Variants in NIPA2 observed in about 807,000 individuals in gnomAD.
The protein encoded by NIPA2 is NIPA magnesium transporter 2.
In NIPA2, 11 loss-of-function variants were observed where a neutral mutation model predicts 29.7. The observed-to-expected ratio is 0.37, with a 90% CI of 0.23 to 0.61. NIPA2 has a LOEUF of 0.61. NIPA2 is among the 20% of genes least tolerant of loss of function. NIPA2 has a pLI of 0.66. For synonymous variants in NIPA2, 183 were observed against 161.9 expected (o/e 1.13, Z -0.99); for missense variants, 426 against 437.9 (o/e 0.97, Z 0.24).
At chr15:22,848,991 G>T (rs2057504254) in intron 3 of NIPA2, among the ~76,000 whole-genome samples, 1 of 152,142 alleles carries the variant, frequency 6.6e-6, no homozygotes, top group South Asian at 2.1e-4. Flanking sequence ...GCAGGAGACT[G>T]GCTGATAAAC....
At position 22,840,305 on chromosome 15, in the gene NIPA2, T is replaced by G. The variant is rs528069201; in HGVS notation, c.-216+515T>G. On this transcript the variant is annotated intron_variant, in intron 2 of 7. Coordinates refer to ENST00000337451, the MANE Select transcript of NIPA2 (RefSeq NM_030922.7). ...TCTATATATAGTTTTTTTTTTTGTT[T>G]TTTTTTTTTTGAGATGGAATCTTGC... 4.4e-3 allele frequency among the ~76,000 whole-genome samples: 654 copies of G among 149,880 alleles called. 3 individuals are homozygous for G. The highest frequency in any genetic ancestry group is 7.2e-3 in the South Asian group (34 of 4,752).
chr15:22,858,064 C>A (rs1321326707), intron 5 of NIPA2, among the ~76,000 whole-genome samples: 1 of 152,108 alleles, frequency 6.6e-6, no homozygotes, highest in Non-Finnish European at 1.5e-5. Context: ...TGGACTCTTA[C>A]TGTAATAGAA....
At chr15:22,864,097 G>GAA (rs996439121) in intron 7 of NIPA2, among the ~76,000 whole-genome samples, 17 of 152,086 alleles carry the variant, frequency 1.1e-4, no homozygotes, top group Admixed American at 3.3e-4. Context: ...CTACATGGGA[G>GAA]AAAGAGGCTT....
intron 7 of NIPA2, among the ~76,000 whole-genome samples, chr15:22,863,724 C>T (rs144037708): frequency 3.3e-5 from 5 of 152,314 alleles, no homozygotes; most frequent in African/African-American, 1.2e-4. Flanking sequence ...TACCTAGTCC[C>T]CTTAAGCTTA....
At chr15:22,862,064 T>TTTTTTTTTTTTGG (rs2058665264) in intron 7 of NIPA2, among the ~76,000 whole-genome samples, 1 of 147,860 alleles carries the variant, frequency 6.8e-6, no homozygotes, top group Non-Finnish European at 1.5e-5. Context: ...TTTTTTTTTT[T>TTTTTTTTTTTTGG]GAGACAGAGT....
chr15:22,848,499 C>G (rs927253056), intron 3 of NIPA2, among the ~76,000 whole-genome samples: 2 of 152,028 alleles, frequency 1.3e-5, no homozygotes, highest in African/African-American at 4.8e-5. Flanking sequence ...GTGTGTACCA[C>G]TGTATCTGGC....
intron 7 of NIPA2, among the ~76,000 whole-genome samples, chr15:22,863,184 T>C (rs1221166230): frequency 2.6e-5 from 4 of 151,910 alleles, no homozygotes; most frequent in Non-Finnish European, 5.9e-5. Context: ...GTTCAAGTGA[T>C]TCTCCTGCTT....
rs1461284172 is a variant in NIPA2 at position 22,851,656 on chromosome 15, T to C, written c.-76T>C. The C allele has an allele frequency of 3.9e-6, 5 of 1,271,162 alleles. No individual in the cohort carries two copies. In the African/African-American group the frequency reaches 4.5e-5, roughly 11 times the overall value. 78.7% of individuals were successfully genotyped at this position (1,271,162 alleles called of 1,614,324 possible). ...TTGTTTAGGTTTGAAGACTGCTTCATTCTGCCTCTAGTACCAGCGGTTTCT... is the reference window on the plus strand; with the variant it reads ...TTGTTTAGGTTTGAAGACTGCTTCACTCTGCCTCTAGTACCAGCGGTTTCT... On this transcript the variant is annotated 5_prime_UTR_variant, in exon 4 of 8. Transcript: ENST00000337451.
rs1898282055 is a variant in NIPA2 at position 22,845,274 on chromosome 15, C to T, written c.-94+7C>T. On this transcript the variant is annotated splice_region_variant and intron_variant, in intron 3 of 7. Transcript: ENST00000337451. The stretch of plus-strand genomic sequence containing the variant: ...GATGTCCTATTTTCAAACTGTAAGT[C>T]AGAATGAGATCACTTATTTTCTTGG... The T allele has an allele frequency of 6.6e-6, 1 of 152,054 alleles. No individual in the cohort carries two copies. The highest frequency in any genetic ancestry group is 1.5e-5 in the Non-Finnish European group (1 of 67,994). The allele number at this position is 152,054 out of a possible 1,614,324, so 9.4% of individuals were successfully genotyped here. A position where few individuals can be genotyped will look rare whatever the true frequency, so the allele number is the denominator to read the frequency against.
chr15:22,848,839 A>AG (rs2057487006), intron 3 of NIPA2, among the ~76,000 whole-genome samples: 1 of 151,132 alleles, frequency 6.6e-6, no homozygotes, highest in Non-Finnish European at 1.5e-5. Flanking sequence ...AAAAAAAAAA[A>AG]AAAAAAAAAA....
intron 7 of NIPA2, among the ~76,000 whole-genome samples, chr15:22,862,457 C>T (rs1243229346): frequency 1.3e-5 from 2 of 152,124 alleles, no homozygotes; most frequent in African/African-American, 4.8e-5. Flanking sequence ...AGTTCCTGAC[C>T]TAGATCATTA....
At chr15:22,843,320 T>G (rs950927734) in intron 2 of NIPA2, among the ~76,000 whole-genome samples, 1 of 151,778 alleles carries the variant, frequency 6.6e-6, no homozygotes, top group Non-Finnish European at 1.5e-5. Flanking sequence ...CTGGCTAACA[T>G]GGTGAAACCC....
At position 22,867,202 on chromosome 15, in the gene NIPA2, T is replaced by G. The variant is rs1595456235; in HGVS notation, c.*355T>G. The G allele has an allele frequency of 2.4e-6, 1 of 423,282 alleles. No individual in the cohort carries two copies. The highest frequency in any genetic ancestry group is 4.1e-6 in the Non-Finnish European group (1 of 241,292). 26.2% of individuals were successfully genotyped at this position (423,282 alleles called of 1,614,324 possible). ...TGAAATGTGCATTTGTCATCCCCAC[T>G]CCATCAATCCCTGACCATGTAAGGC... On this transcript the variant is annotated 3_prime_UTR_variant, in exon 8 of 8. Coordinates refer to ENST00000337451, the MANE Select transcript of NIPA2 (RefSeq NM_030922.7).
intron 3 of NIPA2, among the ~76,000 whole-genome samples, chr15:22,849,851 C>T (rs926215321): frequency 3.9e-5 from 6 of 152,150 alleles, no homozygotes; most frequent in African/African-American, 1.2e-4. Flanking sequence ...TGTGAGCCAC[C>T]GCGCCCGACC....
intron 7 of NIPA2, 104 bp downstream of exon 7, chr15:22,860,893 G>A: frequency 5.1e-6 from 4 of 786,688 alleles, no homozygotes; most frequent in Non-Finnish European, 8.0e-6. Context: ...TGTTCCACCT[G>A]GTAGAAGAAC....
intron 5 of NIPA2, among the ~76,000 whole-genome samples, chr15:22,855,394 G>A (rs1335948702): frequency 6.6e-6 from 1 of 151,884 alleles, no homozygotes; most frequent in Non-Finnish European, 1.5e-5. Context: ...TCCAGCCTGG[G>A]CAACAAGAGT....
chr15:22,865,926 T>C (rs1391455414), intron 7 of NIPA2, among the ~76,000 whole-genome samples: 1 of 152,172 alleles, frequency 6.6e-6, no homozygotes, highest in Non-Finnish European at 1.5e-5. Flanking sequence ...CTGTTCCCAC[T>C]GTCCCTCTTG....
At chr15:22,847,177 A>AT (rs1227237845) in intron 3 of NIPA2, among the ~76,000 whole-genome samples, 1 of 152,004 alleles carries the variant, frequency 6.6e-6, no homozygotes, top group East Asian at 1.9e-4. Flanking sequence ...AAGTGCTGGG[A>AT]TTACAGGCCT....
intron 7 of NIPA2, among the ~76,000 whole-genome samples, chr15:22,864,203 T>C (rs2058811566): frequency 6.6e-6 from 1 of 152,136 alleles, no homozygotes; most frequent in Non-Finnish European, 1.5e-5. Flanking sequence ...TTGCCCAGGC[T>C]GGAGTGCAGT....
Sources: allele counts gnomAD v4.1 joint callset (sites outside exome capture counted in the v4.1 genomes callset), GRCh38; gene constraint gnomAD v4.1.1; transcripts MANE v1.5; gene names NCBI Gene and HGNC (gene_info 2026-07-23, HGNC 2026-07-21).